NKAIN2: variants seen among roughly 807,000 people sequenced by gnomAD.
NKAIN2 encodes sodium/potassium-transporting ATPase subunit beta-1-interacting protein 2.
A neutral mutation model predicts 32.6 loss-of-function variants in NKAIN2; 14 were observed. The observed-to-expected ratio is 0.43, with a 90% CI of 0.28 to 0.67. The LOEUF is 0.67. Ranked by LOEUF, NKAIN2 falls within the 30% of genes least tolerant of loss-of-function variation. NKAIN2 has a pLI of 0.17. For missense variants in NKAIN2, 198 were observed against 258.3 expected, an observed-to-expected ratio of 0.77 and a Z score of 1.60; for synonymous variants, 80 against 87.2, an observed-to-expected ratio of 0.92 and a Z score of 0.46.
At position 124,025,398 on chromosome 6, in the gene NKAIN2, A is replaced by G. The variant is rs1367506271; in HGVS notation, c.54+221144A>G. On this transcript the variant is annotated intron_variant, in intron 1 of 6. Transcript: ENST00000368417. ...AGAGGAATGGTGATATCACAACAGC[A>G]CGAAGAACACCTCCCAATTTCCTGG... Among the ~76,000 whole-genome samples the G allele has an allele frequency of 2.6e-5, 4 of 152,086 alleles. No homozygotes were observed. The East Asian group carries it at 7.7e-4, about 29-fold the overall frequency.
At chr6:123,906,797 C>G (rs1460070103) in intron 1 of NKAIN2, among the ~76,000 whole-genome samples, 1 of 152,114 alleles carries the variant, frequency 6.6e-6, no homozygotes, top group Non-Finnish European at 1.5e-5. Context: ...CATCAAACTA[C>G]TTGACAATAA....
intron 1 of NKAIN2, among the ~76,000 whole-genome samples, chr6:124,006,150 T>C (rs762184194): frequency 6.6e-5 from 10 of 152,220 alleles, no homozygotes; most frequent in African/African-American, 1.2e-4. Flanking sequence ...AGAGGAGCGA[T>C]GGTTGAGAAG....
At chr6:124,539,124 T>A (rs766709761) in intron 3 of NKAIN2, among the ~76,000 whole-genome samples, 7 of 152,178 alleles carry the variant, frequency 4.6e-5, no homozygotes, top group Non-Finnish European at 1.0e-4. Flanking sequence ...AAGTAGAGAT[T>A]CAGAAAAATG....
chr6:124,108,580 G>A (rs998010048), intron 1 of NKAIN2, among the ~76,000 whole-genome samples: 9 of 151,936 alleles, frequency 5.9e-5, no homozygotes, highest in Admixed American at 3.3e-4. Context: ...TTTAATGTCT[G>A]TGTTTTTGGT....
chr6:124,482,705 G>A (rs2114703569), intron 3 of NKAIN2, among the ~76,000 whole-genome samples: 2 of 152,220 alleles, frequency 1.3e-5, no homozygotes, highest in Non-Finnish European at 2.9e-5. Flanking sequence ...ATTATTACCA[G>A]GAAATAATAT....
At chr6:124,329,637 A>G (rs1241967114) in intron 2 of NKAIN2, among the ~76,000 whole-genome samples, 1 of 152,196 alleles carries the variant, frequency 6.6e-6, no homozygotes, top group East Asian at 1.9e-4. Context: ...AGCACCATGT[A>G]ACCATCATTC....
chr6:124,765,358 A>G (rs1778465115), intron 4 of NKAIN2, among the ~76,000 whole-genome samples: 1 of 152,178 alleles, frequency 6.6e-6, no homozygotes, highest in Admixed American at 6.5e-5. Context: ...ATTTCACTGC[A>G]TTTACAGAGA....
intron 3 of NKAIN2, among the ~76,000 whole-genome samples, chr6:124,627,036 A>G (rs1334066552): frequency 1.3e-5 from 2 of 152,158 alleles, no homozygotes; most frequent in Admixed American, 6.5e-5. Context: ...TTGGGAGGAC[A>G]AGGTGGGTGG....
intron 4 of NKAIN2, among the ~76,000 whole-genome samples, chr6:124,706,906 A>G (rs1363149621): frequency 6.6e-6 from 1 of 151,990 alleles, no homozygotes; most frequent in Non-Finnish European, 1.5e-5. Flanking sequence ...TTAGTTACAT[A>G]TGTATACATG....
intron 3 of NKAIN2, among the ~76,000 whole-genome samples, chr6:124,581,855 A>G (rs1781537875): frequency 6.6e-6 from 1 of 152,172 alleles, no homozygotes; most frequent in African/African-American, 2.4e-5. Flanking sequence ...AACATACCAA[A>G]AACCAGTGAA....
At chr6:124,504,614 G>A (rs1483948689) in intron 3 of NKAIN2, among the ~76,000 whole-genome samples, 1 of 152,160 alleles carries the variant, frequency 6.6e-6, no homozygotes, top group Non-Finnish European at 1.5e-5. Context: ...CATTTTTCAA[G>A]TAATCAACAA....
chr6:123,850,359 T>A lies in NKAIN2; in HGVS notation c.54+46105T>A, dbSNP rs62436069. On this transcript the variant is annotated intron_variant, in intron 1 of 6. Transcript: ENST00000368417. The stretch of plus-strand genomic sequence containing the variant: ...AAGCTGCTGAAAAAAAAAAAAAATA[T>A]ATATATATATATACACACACACACA... 3.2e-3 allele frequency among the ~76,000 whole-genome samples: 416 copies of A among 130,454 alleles called. 1 individual carries two copies. The highest frequency in any genetic ancestry group is 0.011 in the African/African-American group (398 of 35,292). The allele number at this position is 130,454 out of a possible 152,430, so 85.6% of individuals were successfully genotyped here.
chr6:124,389,525 A>C (rs1332174152), intron 3 of NKAIN2, among the ~76,000 whole-genome samples: 1 of 152,120 alleles, frequency 6.6e-6, no homozygotes, highest in African/African-American at 2.4e-5. Context: ...GGACATTGCA[A>C]TGTTAGCAAG....
intron 1 of NKAIN2, among the ~76,000 whole-genome samples, chr6:124,207,699 G>C (rs375493845): frequency 6.6e-6 from 1 of 151,620 alleles, no homozygotes; most frequent in African/African-American, 2.4e-5. Flanking sequence ...ATAATTTACC[G>C]TATTTCTGTT....
At chr6:124,564,818 CAA>C (rs1780841864) in intron 3 of NKAIN2, among the ~76,000 whole-genome samples, 1 of 152,134 alleles carries the variant, frequency 6.6e-6, no homozygotes, top group East Asian at 1.9e-4. Flanking sequence ...TTATTATCAG[CAA>C]AATAGTTGCA....
chr6:123,876,649 G>A (rs554740291), intron 1 of NKAIN2, among the ~76,000 whole-genome samples: 1 of 152,268 alleles, frequency 6.6e-6, no homozygotes, highest in African/African-American at 2.4e-5. Context: ...ATGGAGGGTA[G>A]CAGAAGACTG....
intron 3 of NKAIN2, chr6:124,391,001 T>A (rs1773119430): frequency 6.6e-6 from 1 of 152,148 alleles, no homozygotes. Flanking sequence ...GGACATTTTT[T>A]ATGGGAAAGT....
chr6:124,569,709 G>A (rs1409470035), intron 3 of NKAIN2, among the ~76,000 whole-genome samples: 1 of 152,194 alleles, frequency 6.6e-6, no homozygotes, highest in Non-Finnish European at 1.5e-5. Context: ...AGAACTGTGA[G>A]TCCAATTAAA....
chr6:123,815,811 G>A (rs949568945), intron 1 of NKAIN2, among the ~76,000 whole-genome samples: 1 of 152,012 alleles, frequency 6.6e-6, no homozygotes. Context: ...ACACACGTAT[G>A]TGTATATAGT....
Sources: allele counts gnomAD v4.1 joint callset (sites outside exome capture counted in the v4.1 genomes callset), GRCh38; gene constraint gnomAD v4.1.1; transcripts MANE v1.5; gene names NCBI Gene and HGNC (gene_info 2026-07-23, HGNC 2026-07-21).